The following GPC4 variants were observed in gnomAD, a reference collection of about 807,000 sequenced individuals.
GPC4 encodes glypican-4.
GPC4 carries 10 observed loss-of-function variants against 35.0 expected under a neutral mutation model. The observed-to-expected ratio is 0.29, with a 90% confidence interval of 0.18 to 0.48. The LOEUF (loss-of-function observed/expected upper bound fraction) is 0.48. Ranked by LOEUF, GPC4 falls within the 20% of genes least tolerant of loss-of-function variation. GPC4 has a pLI of 0.99. For synonymous variants in GPC4, 167 were observed against 170.2 expected (o/e 0.98, Z 0.15); for missense variants, 322 against 451.3 (o/e 0.71, Z 2.60).
chrX:133,359,967 T>A (rs188811763), intron 1 of GPC4, among the ~76,000 whole-genome samples: 5 of 110,533 alleles, frequency 4.5e-5, no homozygotes, highest in Non-Finnish European at 7.6e-5. Flanking sequence ...ATTTCCATAA[T>A]CAAGCAGGCT....
At chrX:133,372,702 C>T (rs1253091629) in intron 1 of GPC4, among the ~76,000 whole-genome samples, 1 of 112,097 alleles carries the variant, frequency 8.9e-6, no homozygotes, top group Non-Finnish European at 1.9e-5. Flanking sequence ...TCCTGCTTAT[C>T]ACACTTTTTG....
intron 1 of GPC4, among the ~76,000 whole-genome samples, chrX:133,342,513 C>G (rs779596233): frequency 3.6e-5 from 4 of 111,785 alleles, no homozygotes; most frequent in Non-Finnish European, 7.5e-5. Context: ...AAAGTTCACA[C>G]TTTGGGCCAT....
Position 133,306,029 on chromosome X carries a change from G to A in GPC4, c.1003C>T (p.Gln335Ter), listed in dbSNP as rs769454331. ...NMQDNSVQVS[Q>*]KVFQGCGPPK... ...CAGCATCCTGCCTTCATTACCTTCT[G>A]AGACACTTGAACACTATTATCCTGC... Residue 335 changes from glutamine to a stop codon, truncating the protein, a stop_gained, in exon 5 of 9, where the codon CAG (glutamine) becomes TAG (stop). Coordinates refer to ENST00000370828, the MANE Select transcript of GPC4 (RefSeq NM_001448.3). LOFTEE classifies it high-confidence loss of function. The A allele has an allele frequency of 8.3e-7, 1 of 1,209,298 alleles. No homozygotes were observed. Among genetic ancestry groups the A allele is most frequent in the Non-Finnish European group, 1.1e-6 (1 of 895,071 alleles).
At chrX:133,314,810 C>A (rs980229589) in intron 3 of GPC4, among the ~76,000 whole-genome samples, 1 of 111,061 alleles carries the variant, frequency 9.0e-6, no homozygotes, top group Non-Finnish European at 1.9e-5. Context: ...AAAACAGTCA[C>A]GAGACCTAAA....
rs745323282 is a variant in GPC4 at position 133,414,958 on chromosome X, C to T, written c.8G>A (p.Arg3Gln). The change falls in exon 1 of 9, where the codon CGG becomes CAG. Residue 3 changes from arginine (R) to glutamine (Q), a missense_variant. By Grantham distance (43) the Arg-to-Gln change is conservative. Coordinates refer to ENST00000370828, the MANE Select transcript of GPC4 (RefSeq NM_001448.3). Reference protein sequence around the residue: MARFGLPALLCTL... With the variant: MAQFGLPALLCTL... ...GCAGAGAAGCGCGGGCAAGCCGAAC[C>T]GTGCCATGGTGCGGGCCGGGGCGGA... The T allele has an allele frequency of 1.2e-5, 14 of 1,208,271 alleles. No individual in the cohort carries two copies. Among genetic ancestry groups the T allele is most frequent in the Middle Eastern group, 2.4e-4 (1 of 4,225 alleles).
rs760508174 is a variant in GPC4 at position 133,324,141 on chromosome X, T to C, written c.711+4A>G. On this transcript the variant is annotated splice_donor_region_variant and intron_variant, in intron 3 of 8. Coordinates refer to ENST00000370828, the MANE Select transcript of GPC4 (RefSeq NM_001448.3). ...ACAAAACAGAGAAGACAAGGAGTAC[T>C]TACCACGGAGACCTTGCTCACGACA... 8.4e-7 allele frequency: 1 copy of C among 1,190,214 alleles called. No homozygotes were observed. The highest frequency in any genetic ancestry group is 1.1e-6 in the Non-Finnish European group (1 of 886,059).
At chrX:133,337,123 C>A (rs2068447699) in intron 2 of GPC4, among the ~76,000 whole-genome samples, 2 of 112,043 alleles carry the variant, frequency 1.8e-5, no homozygotes, top group Non-Finnish European at 3.8e-5. Context: ...CCAGCCTATG[C>A]CATATTTTAA....
chrX:133,325,804 C>G (rs945352467), intron 2 of GPC4, among the ~76,000 whole-genome samples: 5 of 111,962 alleles, frequency 4.5e-5, no homozygotes, highest in African/African-American at 1.6e-4. Context: ...AACTCAGAGA[C>G]TGGCCACTAA....
At chrX:133,362,124 G>A (rs1439439829) in intron 1 of GPC4, among the ~76,000 whole-genome samples, 1 of 109,099 alleles carries the variant, frequency 9.2e-6, no homozygotes, top group Non-Finnish European at 1.9e-5. Context: ...TGAGGCAGGA[G>A]GATCACTTGA....
At chrX:133,395,872 C>T (rs1365436157) in intron 1 of GPC4, among the ~76,000 whole-genome samples, 1 of 110,354 alleles carries the variant, frequency 9.1e-6, no homozygotes, top group East Asian at 2.8e-4. Flanking sequence ...TCAATATTGA[C>T]TGATTAAAAG....
At chrX:133,358,588 C>T (rs771347540) in intron 1 of GPC4, among the ~76,000 whole-genome samples, 1 of 112,089 alleles carries the variant, frequency 8.9e-6, no homozygotes, top group East Asian at 2.8e-4. Context: ...CAAATAAAAA[C>T]AAACAAACAA....
In GPC4 at chrX:133,397,386, C is replaced by T. The variant is rs778447105; in HGVS notation, c.160+17420G>A. Among the ~76,000 whole-genome samples, 18 of 110,649 alleles carry T rather than the reference C, an allele frequency of 1.6e-4. No individual in the cohort carries two copies. In the South Asian group the frequency reaches 5.4e-3, roughly 33 times the overall value. ...CTGGCCTGGGCGATATGGCAAAACT[C>T]CCTCCTACAAAAAATATATAATTAG... is the stretch of plus-strand genomic sequence containing the variant. On this transcript the variant is annotated intron_variant, in intron 1 of 8. Coordinates refer to ENST00000370828, the MANE Select transcript of GPC4 (RefSeq NM_001448.3).
chrX:133,390,940 T>A (rs1319428147), intron 1 of GPC4, among the ~76,000 whole-genome samples: 1 of 111,668 alleles, frequency 9.0e-6, no homozygotes, highest in African/African-American at 3.3e-5. Flanking sequence ...CTGGCAGTGA[T>A]GTTTATGTGC....
chrX:133,410,245 T>C (rs756873995), intron 1 of GPC4, among the ~76,000 whole-genome samples: 2 of 112,521 alleles, frequency 1.8e-5, no homozygotes, highest in South Asian at 3.7e-4. Flanking sequence ...GGTACTTTCT[T>C]GTCTTACTAT....
At chrX:133,382,734 A>AAAACAAAC (rs374971687) in intron 1 of GPC4, among the ~76,000 whole-genome samples, 1 of 112,525 alleles carries the variant, frequency 8.9e-6, no homozygotes, top group African/African-American at 3.3e-5. Context: ...CTCCGTCTCA[A>AAAACAAAC]AAACAAACAA....
chrX:133,330,947 A>AAAACAAAC (rs1556026990), intron 2 of GPC4, among the ~76,000 whole-genome samples: 50 of 108,067 alleles, frequency 4.6e-4, no homozygotes, highest in African/African-American at 1.7e-3. Context: ...AAGTCTAAGC[A>AAAACAAAC]AAACAAACAA....
chrX:133,321,093 G>T (rs1355806358), intron 3 of GPC4, among the ~76,000 whole-genome samples: 1 of 111,902 alleles, frequency 8.9e-6, no homozygotes, highest in Non-Finnish European at 1.9e-5. Flanking sequence ...TTCACATTGG[G>T]TCACATACCT....
intron 1 of GPC4, among the ~76,000 whole-genome samples, chrX:133,366,357 T>C (rs754792624): frequency 8.9e-6 from 1 of 111,811 alleles, no homozygotes; most frequent in South Asian, 3.8e-4. Context: ...ACTGTCTCAC[T>C]TATAGAGCAC....
At chrX:133,327,049 G>A (rs186212465) in intron 2 of GPC4, among the ~76,000 whole-genome samples, 43 of 112,762 alleles carry the variant, frequency 3.8e-4, no homozygotes, top group Non-Finnish European at 3.4e-4. Flanking sequence ...CCATCATTGA[G>A]AACAATATGC....
Sources: gnomAD v4.1 joint callset for allele counts (sites outside exome capture counted in the v4.1 genomes callset) on GRCh38, gnomAD v4.1.1 for gene constraint, MANE v1.5 for transcripts, NCBI Gene and HGNC (gene_info 2026-07-23, HGNC 2026-07-21) for gene names.